SLC17A7: variants seen among roughly 807,000 people sequenced by gnomAD.
SLC17A7 encodes vesicular glutamate transporter 1.
In SLC17A7, 15 loss-of-function variants were observed where a neutral mutation model predicts 59.1. The ratio of observed to expected loss-of-function variants is 0.25; its 90% CI spans 0.17 to 0.39. The LOEUF is 0.39. SLC17A7 is among the 10% of genes least tolerant of loss of function. SLC17A7 has a pLI of 1.00. For synonymous variants in SLC17A7, 353 were observed against 308.9 expected (o/e 1.14, Z -1.50); for missense variants, 499 against 765.1 (o/e 0.65, Z 4.10).
chr19:49,435,558 C>T (rs372174659), intron 2 of SLC17A7: 4 of 359,368 alleles, frequency 1.1e-5, no homozygotes, highest in African/African-American at 8.3e-5. Context: ...TCCATGAAAG[C>T]CTAGGGGCCC....
Position 49,434,034 on chromosome 19 carries a change from C to T in SLC17A7, c.650G>A (p.Gly217Glu). The T allele has an allele frequency of 6.2e-7, 1 of 1,612,488 alleles. No homozygotes were observed. Among genetic ancestry groups the T allele is most frequent in the Non-Finnish European group, 8.5e-7 (1 of 1,178,978 alleles). ...ATTAFCGSYAGAVVAMPLAGV... is the reference protein window; with the variant it reads ...ATTAFCGSYAEAVVAMPLAGV... The stretch of plus-strand genomic sequence containing the variant: ...GGCGAGGGGCATCGCGACCACCGCC[C>T]CAGCATAGGAACCTAAGGGGGAGGA... The change falls in exon 6 of 12, where the codon GGG (glycine) becomes GAG (glutamate). Residue 217 changes from glycine (G) to glutamate (E), a missense_variant. Around this residue, in one of 3 missense-constraint regions of SLC17A7, gnomAD observed 323 missense variants for 607.2 expected, o/e 0.53. Coordinates refer to ENST00000221485, the MANE Select transcript of SLC17A7 (RefSeq NM_020309.4).
rs1294651515 is a variant in SLC17A7 at position 49,433,694 on chromosome 19, C to T, written c.867+32G>A. 1 of 1,614,054 alleles carries T rather than the reference C, an allele frequency of 6.2e-7. No individual in the cohort carries two copies. Among genetic ancestry groups the T allele is most frequent in the East Asian group, 2.2e-5 (1 of 44,878 alleles). ...GCAGGTTCGTGGCTTGCTATCTCTC[C>T]CCGCCCCTTCCCCGAAGATTTGGTC... On this transcript the variant is annotated intron_variant, in intron 7 of 11. Coordinates refer to ENST00000221485, the MANE Select transcript of SLC17A7 (RefSeq NM_020309.4). The surrounding 1 kb of genome is among the most constrained non-coding windows in gnomAD (Gnocchi z 5.7).
At chr19:49,439,356 G>A (rs2122308068) in intron 1 of SLC17A7, among the ~76,000 whole-genome samples, 1 of 152,232 alleles carries the variant, frequency 6.6e-6, no homozygotes, top group East Asian at 1.9e-4. Context: ...TCCCTTACTG[G>A]CCCTCGGCAT....
Position 49,430,282 on chromosome 19 carries a change from G to C in SLC17A7, c.*237C>G. On this transcript the variant is annotated 3_prime_UTR_variant, in exon 12 of 12. Transcript: ENST00000221485. ...ATTTGAAACCACTGAGGCAGAACGG[G>C]TGGAGAGGGAACCTTTAGGGGAATT... The C allele has an allele frequency of 2.3e-6, 1 of 439,388 alleles. No homozygotes were observed. Among genetic ancestry groups the C allele is most frequent in the South Asian group, 4.0e-5 (1 of 24,724 alleles). The allele number at this position is 439,388 out of a possible 1,614,324, so 27.2% of individuals were successfully genotyped here.
chr19:49,430,346 C>G lies in SLC17A7; in HGVS notation c.*173G>C, dbSNP rs1365404677. On this transcript the variant is annotated 3_prime_UTR_variant, in exon 12 of 12. Transcript: ENST00000221485. ...AACTGTCAGTCTGCAGCTTCACTAC[C>G]CCTGAGAGGCAATTGGGAAGGAAAG... is the stretch of plus-strand genomic sequence containing the variant. 5.5e-6 allele frequency: 3 copies of G among 545,794 alleles called. No homozygotes were observed. The East Asian group carries it at 9.4e-5, about 17-fold the overall frequency. 33.8% of individuals were successfully genotyped at this position (545,794 alleles called of 1,614,324 possible).
rs956913179 is a variant in SLC17A7, at chr19:49,430,246, T to C, written c.*273A>G. 1 of 334,658 alleles carries C rather than the reference T, an allele frequency of 3.0e-6. No homozygotes were observed. Among genetic ancestry groups the C allele is most frequent in the African/African-American group, 2.2e-5 (1 of 46,432 alleles). The allele number at this position is 334,658 out of a possible 1,614,324, so 20.7% of individuals were successfully genotyped here. A position where few individuals can be genotyped will look rare whatever the true frequency, so the allele number is the denominator to read the frequency against. On this transcript the variant is annotated 3_prime_UTR_variant, in exon 12 of 12. Coordinates refer to ENST00000221485, the MANE Select transcript of SLC17A7 (RefSeq NM_020309.4). ...CGAACTGTCCATTCAAATAAAGCCCTGAAAGGAGAGATTTGAAACCACTGA... is the reference window on the plus strand; with the variant it reads ...CGAACTGTCCATTCAAATAAAGCCCCGAAAGGAGAGATTTGAAACCACTGA...
Position 49,429,974 on chromosome 19 carries a change from C to T in SLC17A7, c.*545G>A, listed in dbSNP as rs758635580. 1.1e-5 allele frequency: 2 copies of T among 177,914 alleles called. No individual in the cohort carries two copies. The highest frequency in any genetic ancestry group is 1.2e-5 in the Non-Finnish European group (1 of 85,136). 11.0% of individuals were successfully genotyped at this position (177,914 alleles called of 1,614,324 possible). Reference sequence around the variant, plus strand: ...GGGCACGGAATCGGGGACTTGAAACCGCCATTTTCCATCAGAAACGCTGGT... The same window carrying T: ...GGGCACGGAATCGGGGACTTGAAACTGCCATTTTCCATCAGAAACGCTGGT... On this transcript the variant is annotated 3_prime_UTR_variant, in exon 12 of 12. Transcript: ENST00000221485.
At position 49,436,789 on chromosome 19, in the gene SLC17A7, C is replaced by A; in HGVS notation, c.75G>T (p.Lys25Asn). 1 of 1,602,448 alleles carries A rather than the reference C, an allele frequency of 6.2e-7. No homozygotes were observed. Among genetic ancestry groups the A allele is most frequent in the Non-Finnish European group, 8.5e-7 (1 of 1,179,704 alleles). Residue 25 changes from lysine (K) to asparagine (N), a missense_variant, in exon 2 of 12, where the codon AAG (lysine) becomes AAT (asparagine). Lys to Asn is a moderately conservative substitution (Grantham distance 94). Around this residue, in one of 3 missense-constraint regions of SLC17A7, gnomAD observed 78 missense variants for 80.4 expected, o/e 0.97. Transcript: ENST00000221485. This position sits in a 1 kb window ranked among gnomAD's most constrained non-coding sequence, Gnocchi z 4.1. Reference sequence around the variant, plus strand: ...CCAGCGTCTCCGCGCCTTCCTGCCGCTTCTCCAGAAGGCTGCGGGACAGCA... The same window carrying A: ...CCAGCGTCTCCGCGCCTTCCTGCCGATTCTCCAGAAGGCTGCGGGACAGCA... ...ALGKLHRLLEKRQEGAETLEL... is the reference protein window; with the variant it reads ...ALGKLHRLLENRQEGAETLEL...
At position 49,431,496 on chromosome 19, in the gene SLC17A7, A is replaced by C; in HGVS notation, c.1151-48T>G. The C allele has an allele frequency of 6.6e-7, 1 of 1,521,014 alleles. No homozygotes were observed. 94.2% of individuals were successfully genotyped at this position (1,521,014 alleles called of 1,614,324 possible). A position where few individuals can be genotyped will look rare whatever the true frequency, so the allele number is the denominator to read the frequency against. Reference sequence around the variant, plus strand: ...CGTCTCCTGAGTGTCGGCCGGAGCAAGGCGCAGGCTGCCCCACACCGCCCT... The same window carrying C: ...CGTCTCCTGAGTGTCGGCCGGAGCACGGCGCAGGCTGCCCCACACCGCCCT... On this transcript the variant is annotated intron_variant, in intron 9 of 11. Coordinates refer to ENST00000221485, the MANE Select transcript of SLC17A7 (RefSeq NM_020309.4). The surrounding 1 kb of genome is among the most constrained non-coding windows in gnomAD (Gnocchi z 4.6).
chr19:49,437,320 C>T (rs528951783), intron 1 of SLC17A7: 22 of 161,548 alleles, frequency 1.4e-4, no homozygotes, highest in Admixed American at 1.1e-3. Flanking sequence ...CCCTAGGGAA[C>T]CTTGAGTCCA....
chr19:49,434,079 C>T, intron 5 of SLC17A7, 33 bp from the exon 6 acceptor site: 2 of 1,421,106 alleles, frequency 1.4e-6, no homozygotes, highest in Non-Finnish European at 9.9e-7. Flanking sequence ...GAGAACAGGC[C>T]CATCTTCCCT....
intron 1 of SLC17A7, chr19:49,438,172 C>T (rs1443989000): frequency 6.6e-6 from 1 of 151,542 alleles, no homozygotes; most frequent in Non-Finnish European, 1.5e-5. Context: ...GGGAGAGAGA[C>T]CTAGAAATAG....
chr19:49,434,932 G>C (rs1294401511), intron 3 of SLC17A7, 50 bp from the exon 4 acceptor site: 10 of 1,565,076 alleles, frequency 6.4e-6, no homozygotes, highest in South Asian at 1.1e-5. Flanking sequence ...GCCATGCCCG[G>C]GATTCTGCCT....
rs2078954798 is a variant in SLC17A7 at position 49,430,599 on chromosome 19, G to A, written c.1603C>T (p.Pro535Ser). 1 of 1,613,370 alleles carries A rather than the reference G, an allele frequency of 6.2e-7. No homozygotes were observed. Among genetic ancestry groups the A allele is most frequent in the Non-Finnish European group, 8.5e-7 (1 of 1,179,640 alleles). ...GCCCCATAGGAGGGCGGGGGTGCAG[G>A]GGGTGCCCCCGGGGGCTCAGCCTCA... is the stretch of plus-strand genomic sequence containing the variant. ...EDEAEPPGAPPAPPPSYGATH... is the reference protein window; with the variant it reads ...EDEAEPPGAPSAPPPSYGATH... Residue 535 changes from proline to serine, a missense_variant, in exon 12 of 12, where the codon CCT becomes TCT. Pro to Ser is a moderately conservative substitution (Grantham distance 74). This residue lies in a region of SLC17A7 where 98 missense variants were observed against 77.5 expected (regional missense o/e 1.27). Coordinates refer to ENST00000221485, the MANE Select transcript of SLC17A7 (RefSeq NM_020309.4).
At chr19:49,439,592 C>A (rs1050476227) in intron 1 of SLC17A7, among the ~76,000 whole-genome samples, 1 of 152,184 alleles carries the variant, frequency 6.6e-6, no homozygotes, top group African/African-American at 2.4e-5. Flanking sequence ...CTCCCCAACC[C>A]CAGAATGGAG....
Position 49,436,458 on chromosome 19 carries a change from G to A in SLC17A7, c.315+91C>T. The A allele has an allele frequency of 6.6e-7, 1 of 1,515,918 alleles. No homozygotes were observed. The highest frequency in any genetic ancestry group is 8.9e-7 in the Non-Finnish European group (1 of 1,121,490). 93.9% of individuals were successfully genotyped at this position (1,515,918 alleles called of 1,614,324 possible). ...AGCGTTTCGGAAGGGGCGTGGCCTG[G>A]ACGTCTGGTGGGTGAGTGTGACGTC... is the stretch of plus-strand genomic sequence containing the variant. On this transcript the variant is annotated intron_variant, in intron 2 of 11. Coordinates refer to ENST00000221485, the MANE Select transcript of SLC17A7 (RefSeq NM_020309.4). The surrounding 1 kb of genome is among the most constrained non-coding windows in gnomAD (Gnocchi z 4.1).
intron 5 of SLC17A7, 89 bp from the exon 6 acceptor site, chr19:49,434,135 C>G (rs1831988222): frequency 1.2e-6 from 1 of 863,432 alleles, no homozygotes; most frequent in Admixed American, 2.0e-5. Flanking sequence ...TTTCCAGACA[C>G]TGAATTACAG....
rs79525860 is a variant in SLC17A7, at chr19:49,431,783, T to C, written c.1151-335A>G. Among the ~76,000 whole-genome samples the C allele has an allele frequency of 2.3e-4, 3 of 12,786 alleles. No homozygotes were observed. Among genetic ancestry groups the C allele is most frequent in the Admixed American group, 7.0e-4 (2 of 2,844 alleles). 8.4% of individuals were successfully genotyped at this position (12,786 alleles called of 152,430 possible). A position where few individuals can be genotyped will look rare whatever the true frequency, so the allele number is the denominator to read the frequency against. The stretch of plus-strand genomic sequence containing the variant: ...TCAATCCCCACTCATGAGTTTTTGG[T>C]TTTTTTTTTTTTTAATTTTTGATTT... On this transcript the variant is annotated intron_variant, in intron 9 of 11. Coordinates refer to ENST00000221485, the MANE Select transcript of SLC17A7 (RefSeq NM_020309.4). This position sits in a 1 kb window ranked among gnomAD's most constrained non-coding sequence, Gnocchi z 4.6.
chr19:49,432,632 A>G lies in SLC17A7; in HGVS notation c.1037T>C (p.Leu346Pro), dbSNP rs1484221368. 1 of 1,613,010 alleles carries G rather than the reference A, an allele frequency of 6.2e-7. No homozygotes were observed. The highest frequency in any genetic ancestry group is 8.5e-7 in the Non-Finnish European group (1 of 1,179,758). ...GATGATGGTCATGACCAGGTGGGGC[A>G]GCGCGGACACCAGGCCTACCTGCGG... is the stretch of plus-strand genomic sequence containing the variant. ...EISKVGLVSALPHLVMTIIVP... is the reference protein window; with the variant it reads ...EISKVGLVSAPPHLVMTIIVP... Residue 346 changes from leucine (L) to proline (P), a missense_variant, in exon 9 of 12, where the codon CTG becomes CCG. Around this residue, in one of 3 missense-constraint regions of SLC17A7, gnomAD observed 323 missense variants for 607.2 expected, o/e 0.53. Coordinates refer to ENST00000221485, the MANE Select transcript of SLC17A7 (RefSeq NM_020309.4).
Sources: allele counts gnomAD v4.1 joint callset (sites outside exome capture counted in the v4.1 genomes callset), GRCh38; gene constraint gnomAD v4.1.1; regional missense constraint gnomAD v4.1.1; non-coding constraint Gnocchi (gnomAD v3.1); transcripts MANE v1.5; gene names NCBI Gene and HGNC (gene_info 2026-07-23, HGNC 2026-07-21).